Variants in SPATS2L observed in about 807,000 individuals in gnomAD.
SPATS2L encodes the protein SPATS2-like protein.
In SPATS2L, 30 loss-of-function variants were observed where a neutral mutation model predicts 59.6. The observed-to-expected ratio is 0.50, with a 90% confidence interval of 0.38 to 0.68. SPATS2L has a LOEUF of 0.68. Ranked by LOEUF, SPATS2L falls within the 30% of genes least tolerant of loss-of-function variation. The pLI is 0.00. For synonymous variants in SPATS2L, 252 were observed against 263.5 expected, an observed-to-expected ratio of 0.96 and a Z score of 0.42; for missense variants, 615 against 700.0, an observed-to-expected ratio of 0.88 and a Z score of 1.37.
intron 9 of SPATS2L, among the ~76,000 whole-genome samples, chr2:200,461,718 C>A (rs534682756): frequency 6.6e-6 from 1 of 152,266 alleles, no homozygotes; most frequent in South Asian, 2.1e-4. Flanking sequence ...GATGTGATGT[C>A]TTTCTTTTGC....
chr2:200,310,220 C>T (rs2079149147), intron 1 of SPATS2L, among the ~76,000 whole-genome samples: 1 of 152,194 alleles, frequency 6.6e-6, no homozygotes, highest in Admixed American at 6.5e-5. Flanking sequence ...TCTCTCTAAA[C>T]TTCTTCCTTT....
chr2:200,313,599 A>G (rs939993730), intron 1 of SPATS2L, among the ~76,000 whole-genome samples: 5 of 152,292 alleles, frequency 3.3e-5, no homozygotes, highest in Admixed American at 1.3e-4. Context: ...ATAAACATGC[A>G]TAAGTCTTTC....
chr2:200,452,711 T>C (rs1163226480), intron 8 of SPATS2L, among the ~76,000 whole-genome samples: 1 of 152,204 alleles, frequency 6.6e-6, no homozygotes, highest in Admixed American at 6.5e-5. Context: ...TGGTTCATGC[T>C]TGAGGCACCC....
Position 200,345,432 on chromosome 2 carries a change from T to A in SPATS2L, c.-23+15952T>A, listed in dbSNP as rs1242497834. ...GGCTGTATTTGTTTGTAAACATATT[T>A]CAGCTGAACATGTGTGCTGTGATTT... is the stretch of plus-strand genomic sequence containing the variant. On this transcript the variant is annotated intron_variant, in intron 2 of 12. Coordinates refer to ENST00000409140, the MANE Select transcript of SPATS2L (RefSeq NM_001100423.2). Among the ~76,000 whole-genome samples the A allele has an allele frequency of 1.1e-3, 171 of 152,342 alleles. 1 individual carries two copies. Among genetic ancestry groups the A allele is most frequent in the Admixed American group, 2.0e-3 (31 of 15,300 alleles).
intron 3 of SPATS2L, among the ~76,000 whole-genome samples, chr2:200,392,410 C>T (rs79264884): frequency 0.011 from 1,738 of 152,314 alleles, 17 homozygotes; most frequent in Non-Finnish European, 0.017. Flanking sequence ...CCCCTTTCCA[C>T]ATACCTTGCC....
At chr2:200,332,827 ATATT>A (rs930969636) in intron 2 of SPATS2L, among the ~76,000 whole-genome samples, 16 of 151,382 alleles carry the variant, frequency 1.1e-4, no homozygotes, top group Non-Finnish European at 2.2e-4. Flanking sequence ...AGAGAAATAT[ATATT>A]ATATGCATCC....
At chr2:200,468,447 G>A (rs1211404722) in intron 10 of SPATS2L, among the ~76,000 whole-genome samples, 1 of 149,870 alleles carries the variant, frequency 6.7e-6, no homozygotes, top group African/African-American at 2.5e-5. Context: ...TGCTAGCTTT[G>A]AAAGTAAGAT....
At chr2:200,393,816 A>G (rs930645821) in intron 3 of SPATS2L, among the ~76,000 whole-genome samples, 1 of 152,242 alleles carries the variant, frequency 6.6e-6, no homozygotes, top group Non-Finnish European at 1.5e-5. Flanking sequence ...TTAGATTACA[A>G]GCTTGTAGAG....
At chr2:200,391,202 CCGTGACTT>C (rs1439107599) in intron 3 of SPATS2L, among the ~76,000 whole-genome samples, 1 of 152,096 alleles carries the variant, frequency 6.6e-6, no homozygotes, top group African/African-American at 2.4e-5. Context: ...GCAGCAGTAC[CCGTGACTT>C]TCACAATTAA....
At chr2:200,388,386 C>T (rs1183768049) in intron 2 of SPATS2L, among the ~76,000 whole-genome samples, 4 of 151,956 alleles carry the variant, frequency 2.6e-5, no homozygotes, top group East Asian at 3.9e-4. Context: ...GCCTGGGCAA[C>T]AAAGTGAGAC....
intron 1 of SPATS2L, among the ~76,000 whole-genome samples, chr2:200,327,273 A>G (rs930286498): frequency 6.6e-6 from 1 of 151,888 alleles, no homozygotes; most frequent in Non-Finnish European, 1.5e-5. Flanking sequence ...GTGTGGTGGC[A>G]TGCACCTGTA....
At chr2:200,342,820 G>T (rs993162758) in intron 2 of SPATS2L, among the ~76,000 whole-genome samples, 2 of 152,194 alleles carry the variant, frequency 1.3e-5, no homozygotes, top group African/African-American at 4.8e-5. Context: ...ATAGCATGTG[G>T]TTATGATAGA....
intron 1 of SPATS2L, chr2:200,308,895 C>G: frequency 3.3e-6 from 2 of 603,788 alleles, no homozygotes; most frequent in South Asian, 2.1e-5. Context: ...AGGGAGCCCC[C>G]TAATGAAAGT....
At chr2:200,307,899 A>AT (rs1248705644) in intron 1 of SPATS2L, among the ~76,000 whole-genome samples, 1 of 152,174 alleles carries the variant, frequency 6.6e-6, no homozygotes, top group Non-Finnish European at 1.5e-5. Context: ...TTTTGGCTAT[A>AT]TTACAGGGTT....
intron 2 of SPATS2L, among the ~76,000 whole-genome samples, chr2:200,349,362 A>C (rs760117959): frequency 6.6e-6 from 1 of 152,200 alleles, no homozygotes; most frequent in Non-Finnish European, 1.5e-5. Context: ...TAGGCCGGGC[A>C]TGGTGGCTCA....
At chr2:200,474,834 C>T (rs12470550) in intron 12 of SPATS2L, among the ~76,000 whole-genome samples, 27,596 of 152,078 alleles carry the variant, frequency 0.18, 3,056 homozygotes, top group East Asian at 0.25. Context: ...GCCCTTGGAC[C>T]GGGCCCTGTG....
intron 4 of SPATS2L, 64 bp from the exon 5 acceptor site, chr2:200,416,315 A>T: frequency 1.3e-6 from 1 of 751,852 alleles, no homozygotes; most frequent in Non-Finnish European, 2.0e-6. Flanking sequence ...GGAAAGACAG[A>T]GATGAATTTT....
intron 6 of SPATS2L, among the ~76,000 whole-genome samples, chr2:200,425,568 C>T (rs772935582): frequency 2.6e-4 from 40 of 152,280 alleles, no homozygotes; most frequent in South Asian, 1.0e-3. Flanking sequence ...AAAGAACATT[C>T]GTCCACTTTA....
chr2:200,359,602 A>G (rs1157368473), intron 2 of SPATS2L, among the ~76,000 whole-genome samples: 5 of 152,278 alleles, frequency 3.3e-5, no homozygotes, highest in African/African-American at 1.2e-4. Flanking sequence ...ATGAAAGCCA[A>G]CTTCTATCCC....
Sources: gnomAD v4.1 joint callset for allele counts (sites outside exome capture counted in the v4.1 genomes callset) on GRCh38, gnomAD v4.1.1 for gene constraint, MANE v1.5 for transcripts, NCBI Gene and HGNC (gene_info 2026-07-23, HGNC 2026-07-21) for gene names.